The following PAK2 variants were observed in gnomAD, a reference collection of about 807,000 sequenced individuals.
The protein encoded by PAK2 is p21 (RAC1) activated kinase 2.
PAK2 carries 21 observed loss-of-function variants against 65.9 expected under a neutral mutation model. The ratio of observed to expected loss-of-function variants is 0.32; its 90% CI spans 0.23 to 0.46. The LOEUF (loss-of-function observed/expected upper bound fraction) is 0.46, where lower values mean the gene tolerates loss of function less well. Ranked by LOEUF, PAK2 falls within the 20% of genes least tolerant of loss-of-function variation. The probability of loss-of-function intolerance (pLI) is 1.00; values close to 1 mark genes in which losing one functional copy is unlikely to be tolerated. For missense variants in PAK2, 324 were observed against 642.6 expected (o/e 0.50, Z 5.36); for synonymous variants, 204 against 219.7 (o/e 0.93, Z 0.63).
intron 1 of PAK2, among the ~76,000 whole-genome samples, chr3:196,768,438 T>A (rs1007157286): frequency 2.0e-5 from 3 of 152,012 alleles, no homozygotes; most frequent in African/African-American, 7.3e-5. Context: ...TTTTTATACT[T>A]CTTAGGTTGG....
intron 2 of PAK2, among the ~76,000 whole-genome samples, chr3:196,792,570 C>T (rs1364703580): frequency 6.6e-6 from 1 of 152,082 alleles, no homozygotes; most frequent in African/African-American, 2.4e-5. Flanking sequence ...TCCCTCATTA[C>T]TAGTTAAATA....
At chr3:196,790,181 G>T (rs150528014) in intron 2 of PAK2, among the ~76,000 whole-genome samples, 3 of 152,156 alleles carry the variant, frequency 2.0e-5, no homozygotes, top group Non-Finnish European at 4.4e-5. Context: ...AACAGATAAA[G>T]GGTTTCTTTT....
chr3:196,781,460 A>G (rs1421748807), intron 1 of PAK2, among the ~76,000 whole-genome samples: 3 of 152,184 alleles, frequency 2.0e-5, no homozygotes, highest in Non-Finnish European at 2.9e-5. Context: ...AAGACAGATT[A>G]CCCAACTGCC....
chr3:196,761,304 C>G (rs1713954324), intron 1 of PAK2, among the ~76,000 whole-genome samples: 1 of 103,446 alleles, frequency 9.7e-6, no homozygotes, highest in African/African-American at 3.8e-5. Context: ...GACCCTGCGG[C>G]CTTCCGCAGT....
chr3:196,768,449 AT>A (rs1395739214), intron 1 of PAK2, among the ~76,000 whole-genome samples: 1 of 151,734 alleles, frequency 6.6e-6, no homozygotes, highest in African/African-American at 2.4e-5. Flanking sequence ...CTTAGGTTGG[AT>A]GCTTAACTCG....
At chr3:196,760,913 C>T (rs1713938145) in intron 1 of PAK2, among the ~76,000 whole-genome samples, 1 of 152,110 alleles carries the variant, frequency 6.6e-6, no homozygotes, top group Non-Finnish European at 1.5e-5. Context: ...AAAGTGTTAC[C>T]TGCCAGCCAG....
At chr3:196,818,203 C>A in intron 12 of PAK2, 47 bp downstream of exon 12, 2 of 780,662 alleles carry the variant, frequency 2.6e-6, no homozygotes, top group Non-Finnish European at 4.5e-6. Flanking sequence ...TAATTTTCTG[C>A]CTTTTGTTTA....
chr3:196,789,506 A>T (rs1714998878), intron 2 of PAK2, among the ~76,000 whole-genome samples: 2 of 147,556 alleles, frequency 1.4e-5, no homozygotes, highest in East Asian at 3.9e-4. Context: ...CTTGTTGCCC[A>T]GGCTGGAATG....
rs1711526977 is a variant in PAK2, at chr3:196,817,997, T to C, written c.1054-60T>C. 6.9e-6 allele frequency: 5 copies of C among 728,992 alleles called. No individual in the cohort carries two copies. The East Asian group carries it at 7.6e-5, about 11-fold the overall frequency. 45.2% of individuals were successfully genotyped at this position (728,992 alleles called of 1,614,324 possible). A position where few individuals can be genotyped will look rare whatever the true frequency, so the allele number is the denominator to read the frequency against. ...CAATGCTCAGGCCATAGCTACTGCATGTGCCTCCCTGTGTCTTTTCAGGGA... is the reference window on the plus strand; with the variant it reads ...CAATGCTCAGGCCATAGCTACTGCACGTGCCTCCCTGTGTCTTTTCAGGGA... On this transcript the variant is annotated intron_variant, in intron 11 of 14. Transcript: ENST00000327134.
At chr3:196,755,830 A>G (rs1713750058) in intron 1 of PAK2, among the ~76,000 whole-genome samples, 1 of 150,388 alleles carries the variant, frequency 6.6e-6, no homozygotes. Context: ...ATCTTGGCTC[A>G]CTGCAACCTC....
intron 1 of PAK2, 113 bp from the exon 2 acceptor site, chr3:196,782,513 A>G (rs771783939): frequency 1.5e-5 from 9 of 605,906 alleles, no homozygotes; most frequent in African/African-American, 9.4e-5. Flanking sequence ...AAATGTCACT[A>G]TAAATGGATA....
chr3:196,809,115 G>A (rs1055095555), intron 7 of PAK2, among the ~76,000 whole-genome samples: 1 of 150,984 alleles, frequency 6.6e-6, no homozygotes, highest in Non-Finnish European at 1.5e-5. Context: ...AGACCTGGTG[G>A]TGCATGTCTG....
intron 8 of PAK2, among the ~76,000 whole-genome samples, chr3:196,811,074 T>C (rs1049606356): frequency 1.3e-5 from 2 of 151,958 alleles, no homozygotes; most frequent in Non-Finnish European, 2.9e-5. Context: ...ACTAAACTCC[T>C]TTTTTCTGTT....
rs1046722 is a variant in PAK2 at position 196,828,526 on chromosome 3, C to G, written c.*121C>G. The stretch of plus-strand genomic sequence containing the variant: ...GTCTGCATAACCTGAATGAAAGAAG[C>G]AAATGACTATTCTCTGAAGACAACC... On this transcript the variant is annotated 3_prime_UTR_variant, in exon 15 of 15. Coordinates refer to ENST00000327134, the MANE Select transcript of PAK2 (RefSeq NM_002577.4). 3 of 695,208 alleles carry G rather than the reference C, an allele frequency of 4.3e-6. No homozygotes were observed. The African/African-American group carries it at 5.5e-5, about 13-fold the overall frequency. 43.1% of individuals were successfully genotyped at this position (695,208 alleles called of 1,614,324 possible). A position where few individuals can be genotyped will look rare whatever the true frequency, so the allele number is the denominator to read the frequency against.
chr3:196,789,070 T>A (rs1714985854), intron 2 of PAK2, among the ~76,000 whole-genome samples: 2 of 152,106 alleles, frequency 1.3e-5, no homozygotes, highest in African/African-American at 4.8e-5. Context: ...GAGAGAATGG[T>A]AGGTATATAG....
chr3:196,740,922 A>G (rs537770734), intron 1 of PAK2, among the ~76,000 whole-genome samples: 2 of 152,332 alleles, frequency 1.3e-5, no homozygotes, highest in African/African-American at 2.4e-5. Flanking sequence ...TAAGTCATCC[A>G]AGAACAGAAG....
At chr3:196,803,776 G>A (rs1413837233) in intron 4 of PAK2, among the ~76,000 whole-genome samples, 1 of 152,190 alleles carries the variant, frequency 6.6e-6, no homozygotes, top group East Asian at 1.9e-4. Context: ...ATAGCTGGAT[G>A]GAAATGGGGT....
intron 12 of PAK2, among the ~76,000 whole-genome samples, chr3:196,818,370 A>G (rs1189316283): frequency 1.3e-5 from 2 of 152,136 alleles, no homozygotes; most frequent in African/African-American, 2.4e-5. Context: ...TTACCACTAG[A>G]TAAGACATTA....
At chr3:196,812,035 G>GT (rs1256592751) in intron 8 of PAK2, among the ~76,000 whole-genome samples, 184 bp from the exon 9 acceptor site, 1 of 151,720 alleles carries the variant, frequency 6.6e-6, no homozygotes, top group Non-Finnish European at 1.5e-5. Context: ...AAGTTTTGCC[G>GT]TAAGGATTGT....
Sources: allele counts gnomAD v4.1 joint callset (sites outside exome capture counted in the v4.1 genomes callset), GRCh38; gene constraint gnomAD v4.1.1; transcripts MANE v1.5; gene names NCBI Gene and HGNC (gene_info 2026-07-23, HGNC 2026-07-21).